Variants in FUZ observed in about 807,000 individuals in gnomAD.
The protein encoded by FUZ is fuzzy planar cell polarity protein, also known as protein fuzzy homolog.
FUZ carries 31 observed loss-of-function variants against 43.1 expected under a neutral mutation model. That is an observed-to-expected ratio of 0.72 (90% confidence interval 0.54 to 0.97). The LOEUF (loss-of-function observed/expected upper bound fraction) is 0.97. FUZ is among the 50% of genes least tolerant of loss of function. The pLI, the probability that FUZ is intolerant of heterozygous loss-of-function variation, is 0.00. For synonymous variants in FUZ, 274 were observed against 250.0 expected, an observed-to-expected ratio of 1.10 and a Z score of -0.91; for missense variants, 539 against 543.8, an observed-to-expected ratio of 0.99 and a Z score of 0.09.
chr19:49,812,827 T>C (rs1250407973), intron 1 of FUZ, 91 bp from the exon 2 acceptor site: 34 of 1,531,816 alleles, frequency 2.2e-5, no homozygotes, highest in Non-Finnish European at 3.1e-5. Context: ...CCCCATCCTC[T>C]TTCCATATGA....
intron 1 of FUZ, 76 bp downstream of exon 1, chr19:49,812,920 G>T: frequency 7.2e-7 from 1 of 1,392,704 alleles, no homozygotes; most frequent in Non-Finnish European, 1.0e-6. Context: ...AACTTCCCCA[G>T]CCCCTACTGC....
In FUZ at chr19:49,809,105, A is replaced by C; in HGVS notation, c.786+58T>G. The C allele has an allele frequency of 2.8e-6, 4 of 1,450,596 alleles. No homozygotes were observed. Among genetic ancestry groups the C allele is most frequent in the Non-Finnish European group, 3.8e-6 (4 of 1,056,284 alleles). 89.9% of individuals were successfully genotyped at this position (1,450,596 alleles called of 1,614,324 possible). A position where few individuals can be genotyped will look rare whatever the true frequency, so the allele number is the denominator to read the frequency against. On this transcript the variant is annotated intron_variant, in intron 7 of 10. Transcript: ENST00000313777. The surrounding 1 kb of genome is among the most constrained non-coding windows in gnomAD (Gnocchi z 5.1). ...CGCTGGCAGGGCAGGGTGGTGGGGA[A>C]GGGCCCTCCTGGTAGCGGGTGTCCT...
At chr19:49,808,547 C>G (rs1214410349) in intron 9 of FUZ, 27 bp downstream of exon 9, 2 of 1,594,752 alleles carry the variant, frequency 1.3e-6, no homozygotes, top group Admixed American at 3.5e-5. Flanking sequence ...CCCTCCTACC[C>G]CTGCCCCTGC....
In FUZ at chr19:49,809,593, G is replaced by A; in HGVS notation, c.493-18C>T. Reference sequence around the variant, plus strand: ...AGGGCTTCCTGGGTACGGGAGGCAGGAGGACTGGGAGTCAGCAGACAAGCG... The same window carrying A: ...AGGGCTTCCTGGGTACGGGAGGCAGAAGGACTGGGAGTCAGCAGACAAGCG... On this transcript the variant is annotated intron_variant, in intron 5 of 10. Coordinates refer to ENST00000313777, the MANE Select transcript of FUZ (RefSeq NM_025129.5). This position sits in a 1 kb window ranked among gnomAD's most constrained non-coding sequence, Gnocchi z 5.1. The A allele has an allele frequency of 6.4e-7, 1 of 1,574,548 alleles. No individual in the cohort carries two copies. The highest frequency in any genetic ancestry group is 8.6e-7 in the Non-Finnish European group (1 of 1,166,538).
At position 49,811,416 on chromosome 19, in the gene FUZ, C is replaced by T; in HGVS notation, c.439G>A (p.Asp147Asn). The change falls in exon 5 of 11, where the codon GAC becomes AAC. Residue 147 changes from aspartate to asparagine, a missense_variant. Physicochemically the swap from Asp to Asn is conservative, Grantham distance 23. Coordinates refer to ENST00000313777, the MANE Select transcript of FUZ (RefSeq NM_025129.5). ...SFLGDSELIG[D>N]LTQCVDCVIP... ...ACGCAGTCCACACACTGGGTCAGGT[C>T]CCCGATGAGCTCCGAGTCCCCCAGG... 1 of 1,613,772 alleles carries T rather than the reference C, an allele frequency of 6.2e-7. No individual in the cohort carries two copies. The highest frequency in any genetic ancestry group is 8.5e-7 in the Non-Finnish European group (1 of 1,179,836).
chr19:49,808,896 A>C (rs922313399), intron 7 of FUZ, 73 bp from the exon 8 acceptor site: 2 of 1,142,386 alleles, frequency 1.8e-6, no homozygotes, highest in Non-Finnish European at 2.5e-6. Context: ...GGGGTGTACA[A>C]GGATAGGGGC....
rs763665531 is a variant in FUZ, at chr19:49,809,287, C to T, written c.691-29G>A. ...AAGCAGGGCACAGGCTGGGGCTCAT[C>T]GCGGCCCGGCCCCTTTCCATCGCAG... On this transcript the variant is annotated intron_variant, in intron 6 of 10. Coordinates refer to ENST00000313777, the MANE Select transcript of FUZ (RefSeq NM_025129.5). The surrounding 1 kb of genome is among the most constrained non-coding windows in gnomAD (Gnocchi z 5.1). The T allele has an allele frequency of 2.3e-4, 351 of 1,549,616 alleles. No homozygotes were observed. Among genetic ancestry groups the T allele is most frequent in the Non-Finnish European group, 2.9e-4 (327 of 1,146,482 alleles).
In FUZ at chr19:49,811,357, C is replaced by T; in HGVS notation, c.492+6G>A. 1.9e-6 allele frequency: 3 copies of T among 1,588,408 alleles called. No homozygotes were observed. The highest frequency in any genetic ancestry group is 2.6e-6 in the Non-Finnish European group (3 of 1,163,034). Reference sequence around the variant, plus strand: ...GGTGTAAGAGTTTCCATAGCATCCCCAGTACCTGCAAGAGGGACCCCTCTG... The same window carrying T: ...GGTGTAAGAGTTTCCATAGCATCCCTAGTACCTGCAAGAGGGACCCCTCTG... On this transcript the variant is annotated splice_donor_region_variant and intron_variant, in intron 5 of 10. Transcript: ENST00000313777.
At chr19:49,812,129 C>T in intron 3 of FUZ, 122 bp downstream of exon 3, 1 of 766,788 alleles carries the variant, frequency 1.3e-6, no homozygotes, top group Non-Finnish European at 2.3e-6. Context: ...AACAAACAAA[C>T]AAAAGATTCC....
At position 49,807,514 on chromosome 19, in the gene FUZ, G is replaced by A. The variant is rs370778412; in HGVS notation, c.1034-140C>T. 1.8e-4 allele frequency: 145 copies of A among 821,018 alleles called. 1 individual carries two copies. The East Asian group carries it at 2.8e-3, about 16-fold the overall frequency. The allele number at this position is 821,018 out of a possible 1,614,324, so 50.9% of individuals were successfully genotyped here. A position where few individuals can be genotyped will look rare whatever the true frequency, so the allele number is the denominator to read the frequency against. On this transcript the variant is annotated intron_variant, in intron 10 of 10. Coordinates refer to ENST00000313777, the MANE Select transcript of FUZ (RefSeq NM_025129.5). ...GAGCCTCCTGCCAGGGGAGGGCCTC[G>A]GGGCTCTAGCTGGCTGTCAGCAACT...
Position 49,809,452 on chromosome 19 carries a change from G to C in FUZ, c.616C>G (p.Pro206Ala), listed in dbSNP as rs753315928. 2 of 1,552,018 alleles carry C rather than the reference G, an allele frequency of 1.3e-6. No homozygotes were observed. Among genetic ancestry groups the C allele is most frequent in the South Asian group, 2.4e-5 (2 of 84,796 alleles). ...GGCGGCAGGGACCCCACCAGCCAGG[G>C]GAGCAGCACGGCCTCGGGCGTCCCC... ...RLGTPEAVLL[P>A]WLVGSLPPQT... Residue 206 changes from proline to alanine, a missense_variant, in exon 6 of 11, where the codon CCC becomes GCC. Physicochemically the swap from Pro to Ala is conservative, Grantham distance 27 (BLOSUM62 -1). Transcript: ENST00000313777. This position sits in a 1 kb window ranked among gnomAD's most constrained non-coding sequence, Gnocchi z 5.1.
chr19:49,807,182 T>C lies in FUZ; in HGVS notation c.1226A>G (p.His409Arg). Residue 409 changes from histidine (H) to arginine (R), a missense_variant, in exon 11 of 11, where the codon CAC (histidine) becomes CGC (arginine). Coordinates refer to ENST00000313777, the MANE Select transcript of FUZ (RefSeq NM_025129.5). ...PTHGLRSLAT[H>R]TLHALTPLL ...AAGTGGGGTGAGGGCATGCAGAGTGTGGGTGGCCAGGCTTCGCAGCCCATG... is the reference window on the plus strand; with the variant it reads ...AAGTGGGGTGAGGGCATGCAGAGTGCGGGTGGCCAGGCTTCGCAGCCCATG... 1 of 1,613,246 alleles carries C rather than the reference T, an allele frequency of 6.2e-7. No individual in the cohort carries two copies. The highest frequency in any genetic ancestry group is 1.1e-5 in the South Asian group (1 of 91,024).
In FUZ at chr19:49,807,164, G is replaced by C. The variant is rs2073426276; in HGVS notation, c.1244C>G (p.Thr415Ser). ...SLATHTLHAL[T>S]PLL ...ACTGCTAGGTAGTCAAAGAAGTGGG[G>C]TGAGGGCATGCAGAGTGTGGGTGGC... The change falls in exon 11 of 11, where the codon ACC becomes AGC. Residue 415 changes from threonine (T) to serine (S), a missense_variant. Physicochemically the swap from Thr to Ser is moderately conservative, Grantham distance 58. Coordinates refer to ENST00000313777, the MANE Select transcript of FUZ (RefSeq NM_025129.5). 1.2e-6 allele frequency: 2 copies of C among 1,613,150 alleles called. No individual in the cohort carries two copies. The highest frequency in any genetic ancestry group is 3.3e-5 in the Admixed American group (2 of 59,894).
Position 49,809,683 on chromosome 19 carries a change from C to T in FUZ, c.493-108G>A. On this transcript the variant is annotated intron_variant, in intron 5 of 10. Coordinates refer to ENST00000313777, the MANE Select transcript of FUZ (RefSeq NM_025129.5). This position sits in a 1 kb window ranked among gnomAD's most constrained non-coding sequence, Gnocchi z 5.1. ...GGAGAAACCCACAGCCAGCCCCGAG[C>T]TCGCGCAGTGGCCATGCTCCTACGT... is the stretch of plus-strand genomic sequence containing the variant. The T allele has an allele frequency of 8.7e-7, 1 of 1,150,624 alleles. No individual in the cohort carries two copies. The highest frequency in any genetic ancestry group is 1.3e-6 in the Non-Finnish European group (1 of 799,176). The allele number at this position is 1,150,624 out of a possible 1,614,324, so 71.3% of individuals were successfully genotyped here. A position where few individuals can be genotyped will look rare whatever the true frequency, so the allele number is the denominator to read the frequency against.
chr19:49,808,544 ACCCCTG>A (rs201750052), intron 9 of FUZ, 24 bp downstream of exon 9: 76 of 1,591,216 alleles, frequency 4.8e-5, no homozygotes, highest in Non-Finnish European at 6.2e-5. Context: ...CGCCCCTCCT[ACCCCTG>A]CCCCTGCCCC....
chr19:49,810,780 T>C (rs1600286148), intron 5 of FUZ, among the ~76,000 whole-genome samples: 5 of 150,976 alleles, frequency 3.3e-5, no homozygotes, highest in African/African-American at 9.7e-5. Context: ...AATCCAGGAG[T>C]TCAAGGCTGC....
rs1284285646 is a variant in FUZ, at chr19:49,809,892, C to T, written c.493-317G>A. ...CATGCCGAGTAGGCACCATTAGCAA[C>T]GTAGAGAAGCCAAGTCACCTGCTGA... On this transcript the variant is annotated intron_variant, in intron 5 of 10. Transcript: ENST00000313777. This position sits in a 1 kb window ranked among gnomAD's most constrained non-coding sequence, Gnocchi z 5.1. 1.1e-5 allele frequency: 5 copies of T among 457,222 alleles called. No individual in the cohort carries two copies. The highest frequency in any genetic ancestry group is 2.0e-5 in the Non-Finnish European group (5 of 247,756). The allele number at this position is 457,222 out of a possible 1,614,324, so 28.3% of individuals were successfully genotyped here.
intron 5 of FUZ, 78 bp downstream of exon 5, chr19:49,811,285 T>C (rs2073776479): frequency 1.0e-6 from 1 of 967,882 alleles, no homozygotes; most frequent in Non-Finnish European, 1.6e-6. Flanking sequence ...GTTGGGACAA[T>C]GGTCCAGAAG....
In FUZ at chr19:49,807,083, A is replaced by C. The variant is rs766679144; in HGVS notation, c.*68T>G. 4.5e-6 allele frequency: 6 copies of C among 1,340,810 alleles called. No homozygotes were observed. Among genetic ancestry groups the C allele is most frequent in the Non-Finnish European group, 5.9e-6 (6 of 1,017,350 alleles). 83.1% of individuals were successfully genotyped at this position (1,340,810 alleles called of 1,614,324 possible). A position where few individuals can be genotyped will look rare whatever the true frequency, so the allele number is the denominator to read the frequency against. ...CCTCCCCATCCAGGGGCTGTGTATT[A>C]TTGTGAGCGAATAAACAGAGAGACG... is the stretch of plus-strand genomic sequence containing the variant. On this transcript the variant is annotated 3_prime_UTR_variant, in exon 11 of 11. Coordinates refer to ENST00000313777, the MANE Select transcript of FUZ (RefSeq NM_025129.5).
Sources: gnomAD v4.1 joint callset for allele counts (sites outside exome capture counted in the v4.1 genomes callset) on GRCh38, gnomAD v4.1.1 for gene constraint, Gnocchi (gnomAD v3.1) non-coding constraint, MANE v1.5 for transcripts, NCBI Gene and HGNC (gene_info 2026-07-23, HGNC 2026-07-21) for gene names.